Variants in AP1B1 observed in about 807,000 individuals in gnomAD.
AP1B1 encodes AP-1 complex subunit beta-1.
In AP1B1, 36 loss-of-function variants were observed where a neutral mutation model predicts 104.3. That is an observed-to-expected ratio of 0.35 (90% CI 0.26 to 0.46). AP1B1 has a LOEUF of 0.46. Ranked by LOEUF, AP1B1 falls within the 20% of genes least tolerant of loss-of-function variation. The pLI is 1.00. For missense variants in AP1B1, 901 were observed against 1,247.9 expected (o/e 0.72, Z 4.19); for synonymous variants, 504 against 517.5 (o/e 0.97, Z 0.35).
intron 16 of AP1B1, among the ~76,000 whole-genome samples, chr22:29,335,334 C>T (rs1482993277): frequency 1.3e-5 from 2 of 152,162 alleles, no homozygotes; most frequent in Non-Finnish European, 2.9e-5. Flanking sequence ...TTCCGCAGCG[C>T]ACTCAGTGCC....
intron 2 of AP1B1, among the ~76,000 whole-genome samples, chr22:29,364,478 G>T (rs2062100035): frequency 6.6e-6 from 1 of 152,166 alleles, no homozygotes; most frequent in African/African-American, 2.4e-5. Context: ...GAGTGCAGTG[G>T]CCCCATCTCA....
At chr22:29,366,366 G>A (rs2062135967) in intron 2 of AP1B1, among the ~76,000 whole-genome samples, 2 of 152,168 alleles carry the variant, frequency 1.3e-5, no homozygotes, top group African/African-American at 2.4e-5. Flanking sequence ...GACCGGCCGC[G>A]GTGGCTCACG....
intron 1 of AP1B1, among the ~76,000 whole-genome samples, chr22:29,371,384 G>A (rs1221036790): frequency 1.3e-5 from 2 of 152,334 alleles, no homozygotes; most frequent in Admixed American, 6.5e-5. Flanking sequence ...AGAGGCCAAA[G>A]GGGCTGAGAC....
At chr22:29,366,448 C>T (rs1402935051) in intron 2 of AP1B1, among the ~76,000 whole-genome samples, 2 of 152,052 alleles carry the variant, frequency 1.3e-5, no homozygotes, top group Non-Finnish European at 2.9e-5. Context: ...ACCAGCCTGA[C>T]CAACATGGAG....
chr22:29,378,754 G>T (rs995448288), intron 1 of AP1B1, among the ~76,000 whole-genome samples: 1 of 150,838 alleles, frequency 6.6e-6, no homozygotes, highest in East Asian at 2.0e-4. Flanking sequence ...AGCTACTCGG[G>T]AGGCTGAGGC....
Position 29,367,197 on chromosome 22 carries a change from C to A in AP1B1, c.37+10G>T, listed in dbSNP as rs771815166. 7 of 1,607,984 alleles carry A rather than the reference C, an allele frequency of 4.4e-6. No homozygotes were observed. The East Asian group carries it at 1.6e-4, about 36-fold the overall frequency. On this transcript the variant is annotated intron_variant, in intron 2 of 22. Transcript: ENST00000357586. ...GCATAGGACAAGGCCCATTATTAAA[C>A]AAGTAATACCTTTCTTGGTCGTGGT...
chr22:29,331,992 G>T, intron 17 of AP1B1, 76 bp from the exon 18 acceptor site: 1 of 1,418,676 alleles, frequency 7.0e-7, no homozygotes, highest in Non-Finnish European at 9.5e-7. Context: ...CCTCCGACTC[G>T]GGAGCTGGGG....
chr22:29,343,881 T>C (rs1037114890), intron 11 of AP1B1, among the ~76,000 whole-genome samples: 4 of 152,066 alleles, frequency 2.6e-5, no homozygotes, highest in Admixed American at 2.6e-4. Context: ...GAGGCCTCGG[T>C]GGTTGGATCA....
chr22:29,375,122 A>T (rs1382345709), intron 1 of AP1B1, among the ~76,000 whole-genome samples: 2 of 152,198 alleles, frequency 1.3e-5, no homozygotes, highest in Admixed American at 1.3e-4. Flanking sequence ...AGGCCGAGGC[A>T]GGTGGATCAC....
intron 3 of AP1B1, 88 bp downstream of exon 3, chr22:29,362,913 C>A (rs942224962): frequency 9.5e-6 from 7 of 739,412 alleles, no homozygotes; most frequent in Non-Finnish European, 1.8e-5. Flanking sequence ...TCCCTAGACA[C>A]CCTAAAGGAG....
chr22:29,344,919 C>T (rs946802205), intron 11 of AP1B1, among the ~76,000 whole-genome samples: 1 of 152,216 alleles, frequency 6.6e-6, no homozygotes, highest in South Asian at 2.1e-4. Flanking sequence ...TTGTCAAGCC[C>T]GGTGCAGTGG....
At chr22:29,366,018 G>A (rs960273212) in intron 2 of AP1B1, among the ~76,000 whole-genome samples, 25 of 152,170 alleles carry the variant, frequency 1.6e-4, no homozygotes, top group Non-Finnish European at 1.0e-4. Context: ...CCTGATGAGG[G>A]GCAGACTTCG....
At chr22:29,343,021 C>A (rs1184452983) in intron 11 of AP1B1, among the ~76,000 whole-genome samples, 3 of 152,172 alleles carry the variant, frequency 2.0e-5, no homozygotes, top group Admixed American at 6.5e-5. Flanking sequence ...TGCTGGCTAT[C>A]CTGTACAGTG....
intron 1 of AP1B1, among the ~76,000 whole-genome samples, chr22:29,376,514 C>G (rs534464237): frequency 1.1e-3 from 173 of 152,198 alleles, no homozygotes; most frequent in Non-Finnish European, 2.1e-3. Context: ...AAACTGATCT[C>G]TGAAGGTCTA....
In AP1B1 at chr22:29,350,115, G is replaced by A; in HGVS notation, c.1191C>T (p.Asp397=). 1.2e-6 allele frequency: 2 copies of A among 1,614,200 alleles called. No homozygotes were observed. Among genetic ancestry groups the A allele is most frequent in the South Asian group, 1.1e-5 (1 of 91,090 alleles). The change falls in exon 10 of 23, where the codon GAC becomes GAT. Residue 397 remains aspartate (D), a synonymous_variant. Transcript: ENST00000357586. Reference sequence around the variant, plus strand: ...CATAGTTGACCTTGGTCTGGATGAGGTCGAGCAGCGTGCTCACACAGCGCT... The same window carrying A: ...CATAGTTGACCTTGGTCTGGATGAGATCGAGCAGCGTGCTCACACAGCGCT... The part of the protein sequence containing the change: ...SAERCVSTLL[D]LIQTKVNYVV...
intron 5 of AP1B1, among the ~76,000 whole-genome samples, chr22:29,357,541 TTTTTAGTAGAGACAGGG>T (rs1464585159): frequency 6.6e-6 from 1 of 151,942 alleles, no homozygotes; most frequent in Admixed American, 6.6e-5. Flanking sequence ...AATTTTTATA[TTTTTAGTAGAGACAGGG>T]TTTCACTATG....
intron 1 of AP1B1, among the ~76,000 whole-genome samples, chr22:29,373,860 C>T (rs2062285301): frequency 6.6e-6 from 1 of 150,486 alleles, no homozygotes; most frequent in Non-Finnish European, 1.5e-5. Context: ...TGAGGTGGCA[C>T]CACTGCACTC....
intron 1 of AP1B1, among the ~76,000 whole-genome samples, chr22:29,379,732 A>C (rs2062407338): frequency 6.6e-6 from 1 of 152,232 alleles, no homozygotes; most frequent in Non-Finnish European, 1.5e-5. Context: ...TGGCTGACGC[A>C]AAAAGACAGG....
At chr22:29,372,300 T>C (rs1438994079) in intron 1 of AP1B1, among the ~76,000 whole-genome samples, 1 of 151,666 alleles carries the variant, frequency 6.6e-6, no homozygotes, top group Non-Finnish European at 1.5e-5. Context: ...GGCGGGTGCC[T>C]GTAGTCCCAG....
Sources: gnomAD v4.1 joint callset for allele counts (sites outside exome capture counted in the v4.1 genomes callset) on GRCh38, gnomAD v4.1.1 for gene constraint, MANE v1.5 for transcripts, NCBI Gene and HGNC (gene_info 2026-07-23, HGNC 2026-07-21) for gene names.